The following LRRC8D variants were observed in gnomAD, a reference collection of about 807,000 sequenced individuals.
LRRC8D encodes the protein volume-regulated anion channel subunit LRRC8D.
LRRC8D carries 20 observed loss-of-function variants against 55.8 expected under a neutral mutation model. The observed-to-expected ratio is 0.36, with a 90% CI of 0.25 to 0.52. The LOEUF (loss-of-function observed/expected upper bound fraction) is 0.52. Ranked by LOEUF, LRRC8D falls within the 20% of genes least tolerant of loss-of-function variation. The pLI is 0.93. For synonymous variants in LRRC8D, 352 were observed against 377.0 expected (o/e 0.93, Z 0.77); for missense variants, 651 against 1,030.8 (o/e 0.63, Z 5.05).
At chr1:89,850,698 T>C (rs1444196288) in intron 2 of LRRC8D, among the ~76,000 whole-genome samples, 1 of 152,254 alleles carries the variant, frequency 6.6e-6, no homozygotes, top group Non-Finnish European at 1.5e-5. Context: ...CTGTCATTGA[T>C]GGACATTTAG....
intron 2 of LRRC8D, among the ~76,000 whole-genome samples, chr1:89,847,433 G>T (rs1172911449): frequency 6.6e-6 from 1 of 152,142 alleles, no homozygotes; most frequent in Admixed American, 6.5e-5. Flanking sequence ...ATACATGTAT[G>T]GTTCCTTAAT....
At chr1:89,901,909 C>T (rs1436453651) in intron 2 of LRRC8D, among the ~76,000 whole-genome samples, 2 of 152,210 alleles carry the variant, frequency 1.3e-5, no homozygotes, top group African/African-American at 4.8e-5. Context: ...TTGAACTCAG[C>T]CTTTCCACCG....
At chr1:89,849,372 T>C (rs1367256383) in intron 2 of LRRC8D, among the ~76,000 whole-genome samples, 1 of 152,210 alleles carries the variant, frequency 6.6e-6, no homozygotes, top group Non-Finnish European at 1.5e-5. Flanking sequence ...TGAGGCGATA[T>C]TGACCACAAA....
In LRRC8D at chr1:89,933,433, T is replaced by G; in HGVS notation, c.365T>G (p.Leu122Arg). 6.2e-7 allele frequency: 1 copy of G among 1,614,120 alleles called. No homozygotes were observed. The highest frequency in any genetic ancestry group is 8.5e-7 in the Non-Finnish European group (1 of 1,180,016). ...ACATATCCTCGCACAGATTTCGCAC[T>G]TCCAAATCAGGAGGCAAAGAAAGAG... ...RATYPRTDFALPNQEAKKEKK... is the reference protein window; with the variant it reads ...RATYPRTDFARPNQEAKKEKK... The change falls in exon 3 of 3, where the codon CTT becomes CGT. Residue 122 changes from leucine (L) to arginine (R), a missense_variant. Physicochemically the swap from Leu to Arg is moderately radical, Grantham distance 102. Around this residue, in one of 5 missense-constraint regions of LRRC8D, gnomAD observed 118 missense variants for 138.0 expected, o/e 0.85. Coordinates refer to ENST00000337338, the MANE Select transcript of LRRC8D (RefSeq NM_001134479.2). This position sits in a 1 kb window ranked among gnomAD's most constrained non-coding sequence, Gnocchi z 7.0.
intron 2 of LRRC8D, among the ~76,000 whole-genome samples, chr1:89,845,600 C>T (rs1028451857): frequency 9.2e-5 from 14 of 152,086 alleles, no homozygotes; most frequent in Non-Finnish European, 1.6e-4. Context: ...CCACACCCAG[C>T]GAATTTTTGT....
At chr1:89,848,113 T>C (rs1661325266) in intron 2 of LRRC8D, among the ~76,000 whole-genome samples, 1 of 152,212 alleles carries the variant, frequency 6.6e-6, no homozygotes, top group Non-Finnish European at 1.5e-5. Context: ...AAGCCCTGAT[T>C]TTGGATCTGG....
chr1:89,909,798 G>A (rs1024588999), intron 2 of LRRC8D, among the ~76,000 whole-genome samples: 15 of 151,310 alleles, frequency 9.9e-5, no homozygotes, highest in African/African-American at 1.9e-4. Context: ...CCCAGGAGGC[G>A]GAGCTTGCAG....
At chr1:89,880,743 G>A (rs1360540553) in intron 2 of LRRC8D, among the ~76,000 whole-genome samples, 2 of 151,894 alleles carry the variant, frequency 1.3e-5, no homozygotes, top group African/African-American at 4.8e-5. Context: ...ATTTCTTCTT[G>A]CATGGACTGT....
intron 2 of LRRC8D, among the ~76,000 whole-genome samples, chr1:89,859,790 C>T (rs559319118): frequency 1.1e-4 from 16 of 152,282 alleles, no homozygotes; most frequent in South Asian, 2.1e-4. Context: ...CAGTCCTGCA[C>T]GGAAGCCAGT....
At chr1:89,920,445 G>A (rs1663382400) in intron 2 of LRRC8D, among the ~76,000 whole-genome samples, 1 of 151,776 alleles carries the variant, frequency 6.6e-6, no homozygotes, top group Non-Finnish European at 1.5e-5. Context: ...TATAAGGAGT[G>A]TTTTTTTAAA....
intron 1 of LRRC8D, among the ~76,000 whole-genome samples, chr1:89,836,106 A>G (rs768359989): frequency 1.3e-5 from 2 of 152,190 alleles, no homozygotes; most frequent in Non-Finnish European, 2.9e-5. Flanking sequence ...GCAGTTCTTC[A>G]GTCTCTTAGG....
At chr1:89,874,847 T>C (rs1022958189) in intron 2 of LRRC8D, among the ~76,000 whole-genome samples, 1 of 152,196 alleles carries the variant, frequency 6.6e-6, no homozygotes, top group Admixed American at 6.5e-5. Flanking sequence ...GCTGGCTGAA[T>C]TGATGAGTGA....
At chr1:89,879,578 T>C (rs936776620) in intron 2 of LRRC8D, among the ~76,000 whole-genome samples, 16 of 152,352 alleles carry the variant, frequency 1.1e-4, no homozygotes, top group Admixed American at 1.0e-3. Flanking sequence ...TGTTACCTTA[T>C]GTATGATATT....
chr1:89,827,343 CAAAAAA>C (rs35690511), intron 1 of LRRC8D, among the ~76,000 whole-genome samples: 1 of 105,062 alleles, frequency 9.5e-6, no homozygotes, highest in African/African-American at 3.6e-5. Flanking sequence ...GAGACTGTCT[CAAAAAA>C]AAAAAAAAAA....
chr1:89,897,179 A>G (rs1442921733), intron 2 of LRRC8D, among the ~76,000 whole-genome samples: 1 of 152,264 alleles, frequency 6.6e-6, no homozygotes, highest in Non-Finnish European at 1.5e-5. Context: ...TGGCTATGCT[A>G]TAGGAATACC....
At chr1:89,839,238 T>C (rs956358083) in intron 1 of LRRC8D, among the ~76,000 whole-genome samples, 1 of 152,224 alleles carries the variant, frequency 6.6e-6, no homozygotes, top group African/African-American at 2.4e-5. Flanking sequence ...GAGAATTCAT[T>C]GAGGCAGGGC....
intron 2 of LRRC8D, among the ~76,000 whole-genome samples, chr1:89,849,028 G>T (rs1192576611): frequency 2.6e-5 from 4 of 152,118 alleles, no homozygotes; most frequent in African/African-American, 9.7e-5. Context: ...AGAAACTGAG[G>T]CAGGCAGAGA....
Position 89,932,122 on chromosome 1 carries a change from G to A in LRRC8D, c.-2-945G>A, listed in dbSNP as rs527723074. ...TTTATTATTTGTATAAACTAGTTCC[G>A]TGCTATAAAGCTGTCAGCTGATAGT... On this transcript the variant is annotated intron_variant, in intron 2 of 2. Coordinates refer to ENST00000337338, the MANE Select transcript of LRRC8D (RefSeq NM_001134479.2). 1.2e-4 allele frequency among the ~76,000 whole-genome samples: 19 copies of A among 152,224 alleles called. 1 individual carries two copies. The highest frequency in any genetic ancestry group is 3.4e-3 in the Middle Eastern group (1 of 294).
chr1:89,905,560 A>G (rs567842866), intron 2 of LRRC8D, among the ~76,000 whole-genome samples: 2 of 152,356 alleles, frequency 1.3e-5, no homozygotes, highest in Admixed American at 6.5e-5. Flanking sequence ...TTAGAAAGAT[A>G]AAGGAGTCAG....
Sources: allele counts gnomAD v4.1 joint callset (sites outside exome capture counted in the v4.1 genomes callset), GRCh38; gene constraint gnomAD v4.1.1; regional missense constraint gnomAD v4.1.1; non-coding constraint Gnocchi (gnomAD v3.1); transcripts MANE v1.5; gene names NCBI Gene and HGNC (gene_info 2026-07-23, HGNC 2026-07-21).